Variants in TPTE2 observed in about 807,000 individuals in gnomAD.
TPTE2 encodes the protein phosphatidylinositol 3,4,5-trisphosphate 3-phosphatase TPTE2.
TPTE2 carries 53 observed loss-of-function variants against 78.6 expected under a neutral mutation model. The ratio of observed to expected loss-of-function variants is 0.67; its 90% confidence interval spans 0.54 to 0.85. The LOEUF is 0.85. Among genes scored for constraint, TPTE2 ranks in the 40% least tolerant of loss-of-function variants. The probability of loss-of-function intolerance (pLI) is 0.00; values close to 1 mark genes in which losing one functional copy is unlikely to be tolerated. For missense variants in TPTE2, 461 were observed against 623.0 expected (o/e 0.74, Z 2.77); for synonymous variants, 175 against 206.2 (o/e 0.85, Z 1.30).
intron 10 of TPTE2, among the ~76,000 whole-genome samples, chr13:19,456,570 A>T (rs189701244): frequency 6.6e-6 from 1 of 152,320 alleles, no homozygotes; most frequent in East Asian, 1.9e-4. Context: ...ATAGCACAAA[A>T]ACTTATCAAC....
the TPTE2 span, among the ~76,000 whole-genome samples, chr13:19,556,393 G>A: frequency 1.3e-5 from 2 of 152,064 alleles, no homozygotes; most frequent in Non-Finnish European, 2.9e-5. Flanking sequence ...ACATGAGTAG[G>A]TGCTACATGA....
intron 1 of TPTE2, among the ~76,000 whole-genome samples, chr13:19,531,978 C>T (rs764269717): frequency 2.3e-4 from 35 of 152,160 alleles, no homozygotes; most frequent in Non-Finnish European, 4.1e-4. Context: ...TGCCTCTTCT[C>T]TAACCGAGTT....
chr13:19,434,794 G>A (rs1278622403), intron 15 of TPTE2, among the ~76,000 whole-genome samples: 15 of 152,076 alleles, frequency 9.9e-5, no homozygotes, highest in Admixed American at 4.6e-4. Context: ...TTCCCAACCC[G>A]CTCTCACTTC....
intron 1 of TPTE2, among the ~76,000 whole-genome samples, chr13:19,532,833 C>T (rs1486876601): frequency 1.3e-5 from 2 of 152,282 alleles, no homozygotes; most frequent in African/African-American, 4.8e-5. Context: ...ACAACCCCTA[C>T]CTTTAAGGAG....
Position 19,492,781 on chromosome 13 carries a change from T to A in TPTE2, c.119+69A>T, listed in dbSNP as rs372026881. The A allele has an allele frequency of 5.2e-5, 82 of 1,587,482 alleles. 1 individual carries two copies. The African/African-American group carries it at 9.3e-4, about 18-fold the overall frequency. ...GAAGATGGATGGATATATTTGTGTATGTGCTTGGTGTGTGTACAGCTCTAT... is the reference window on the plus strand; with the variant it reads ...GAAGATGGATGGATATATTTGTGTAAGTGCTTGGTGTGTGTACAGCTCTAT... On this transcript the variant is annotated intron_variant, in intron 3 of 19. Coordinates refer to ENST00000400230, the Ensembl canonical transcript of TPTE2.
At chr13:19,547,363 C>T in the TPTE2 span, among the ~76,000 whole-genome samples, 1 of 152,094 alleles carries the variant, frequency 6.6e-6, no homozygotes, top group Admixed American at 6.5e-5. Flanking sequence ...TTATCCAGAA[C>T]ATTGAAAGAT....
At chr13:19,495,210 C>A (rs1881233064) in intron 1 of TPTE2, among the ~76,000 whole-genome samples, 1 of 66,908 alleles carries the variant, frequency 1.5e-5, no homozygotes, top group African/African-American at 3.0e-5. Flanking sequence ...TAGCTGGAGG[C>A]CTCAAGCAAG....
intron 10 of TPTE2, among the ~76,000 whole-genome samples, chr13:19,453,577 T>C (rs1461912033): frequency 7.5e-6 from 1 of 132,718 alleles, no homozygotes; most frequent in Non-Finnish European, 1.6e-5. Context: ...CAACTCACCA[T>C]TTAGATGATT....
the TPTE2 span, chr13:19,552,499 C>T: frequency 5.0e-5 from 29 of 581,886 alleles, no homozygotes; most frequent in Non-Finnish European, 8.4e-5. Flanking sequence ...AGTATCTACA[C>T]TCTGAAAGTG....
At chr13:19,474,039 A>C (rs528665780) in exon 6 of TPTE2, 7 of 1,607,074 alleles carry the variant, frequency 4.4e-6, no homozygotes, top group Non-Finnish European at 5.9e-6. Context: ...CAAGGAGGAG[A>C]GTGACATCCA....
chr13:19,504,621 G>A (rs1439193646), upstream of TPTE2, among the ~76,000 whole-genome samples: 2 of 152,046 alleles, frequency 1.3e-5, no homozygotes, highest in Non-Finnish European at 2.9e-5. Flanking sequence ...TCCTAAGTAT[G>A]TGCCTGCTAC....
chr13:19,529,263 GCCCC>G (rs1438122425), intron 1 of TPTE2, among the ~76,000 whole-genome samples: 1 of 152,064 alleles, frequency 6.6e-6, no homozygotes, highest in East Asian at 1.9e-4. Flanking sequence ...CATTGTCTGG[GCCCC>G]TGCCCTAAGC....
At chr13:19,460,282 G>T (rs1207226601) in intron 10 of TPTE2, among the ~76,000 whole-genome samples, 1 of 152,230 alleles carries the variant, frequency 6.6e-6, no homozygotes, top group East Asian at 1.9e-4. Context: ...CACACTCACT[G>T]CTTCCCTTGG....
chr13:19,502,893 A>T (rs1566068496), intron 1 of TPTE2, among the ~76,000 whole-genome samples: 1 of 152,018 alleles, frequency 6.6e-6, no homozygotes, highest in Non-Finnish European at 1.5e-5. Flanking sequence ...GGTGACAAAT[A>T]CACTAACAGG....
At chr13:19,428,363 G>C (rs183510982) in intron 17 of TPTE2, among the ~76,000 whole-genome samples, 9 of 152,168 alleles carry the variant, frequency 5.9e-5, no homozygotes, top group Admixed American at 2.6e-4. Context: ...CAGGAGAATC[G>C]CTTGAACCCA....
intron 16 of TPTE2, among the ~76,000 whole-genome samples, chr13:19,431,008 T>G (rs1247940450): frequency 6.6e-6 from 1 of 151,498 alleles, no homozygotes; most frequent in African/African-American, 2.4e-5. Flanking sequence ...ATGCCTGTAA[T>G]CCTAGCTACT....
At chr13:19,497,071 C>G (rs1052979145) in intron 1 of TPTE2, among the ~76,000 whole-genome samples, 2 of 152,100 alleles carry the variant, frequency 1.3e-5, no homozygotes, top group Non-Finnish European at 2.9e-5. Context: ...CACTCCCACC[C>G]GAATATTGCG....
chr13:19,429,634 C>T (rs899212982), intron 17 of TPTE2, among the ~76,000 whole-genome samples: 31 of 152,032 alleles, frequency 2.0e-4, no homozygotes, highest in African/African-American at 6.5e-4. Context: ...GAACAGAAAG[C>T]CAAGGGTCAG....
intron 1 of TPTE2, among the ~76,000 whole-genome samples, chr13:19,499,426 G>A (rs1480227249): frequency 6.7e-6 from 1 of 148,644 alleles, no homozygotes; most frequent in Non-Finnish European, 1.5e-5. Flanking sequence ...AAATGTAAAA[G>A]AACAGAAATT....
Sources: allele counts gnomAD v4.1 joint callset (sites outside exome capture counted in the v4.1 genomes callset), GRCh38; gene constraint gnomAD v4.1.1; transcripts MANE v1.5; gene names NCBI Gene and HGNC (gene_info 2026-07-23, HGNC 2026-07-21).